Variants in P3H2 observed in about 807,000 individuals in gnomAD.
The protein encoded by P3H2 is prolyl 3-hydroxylase 2.
Under a neutral mutation model 87.0 loss-of-function variants are expected in P3H2, and 80 were observed. The ratio of observed to expected loss-of-function variants is 0.92; its 90% CI spans 0.77 to 1.11. P3H2 has a LOEUF of 1.11. P3H2 is among the 50% of genes least tolerant of loss of function. The probability of loss-of-function intolerance (pLI) is 0.00; values close to 1 mark genes in which losing one functional copy is unlikely to be tolerated. For synonymous variants in P3H2, 367 were observed against 359.3 expected, an observed-to-expected ratio of 1.02 and a Z score of -0.24; for missense variants, 1,001 against 923.9, an observed-to-expected ratio of 1.08 and a Z score of -1.08.
At chr3:189,970,710 C>A in intron 13 of P3H2, 106 bp downstream of exon 13, 1 of 730,708 alleles carries the variant, frequency 1.4e-6, no homozygotes, top group Non-Finnish European at 2.5e-6. Flanking sequence ...CTCTTGAAAT[C>A]TTGAGCTCAG....
intron 1 of P3H2, among the ~76,000 whole-genome samples, chr3:190,035,148 C>T (rs527292572): frequency 6.6e-6 from 1 of 152,068 alleles, no homozygotes; most frequent in South Asian, 2.1e-4. Flanking sequence ...CGCATCTGCC[C>T]CCAAATGGCT....
intron 1 of P3H2, among the ~76,000 whole-genome samples, chr3:190,013,564 C>A (rs1200864184): frequency 6.6e-6 from 1 of 152,108 alleles, no homozygotes. Flanking sequence ...TAGGACAGGG[C>A]AAGGGTGAGA....
upstream of P3H2, chr3:190,121,123 A>G (rs1712570605): frequency 5.0e-6 from 1 of 199,112 alleles, no homozygotes; most frequent in South Asian, 1.5e-4. Flanking sequence ...AGTGGATAGT[A>G]TTAGTCTTCT....
At chr3:189,998,740 A>G (rs908070186) in intron 1 of P3H2, among the ~76,000 whole-genome samples, 1 of 152,248 alleles carries the variant, frequency 6.6e-6, no homozygotes, top group African/African-American at 2.4e-5. Context: ...ACATGTGAAT[A>G]TGCTTCATGA....
In P3H2 at chr3:189,988,911, A is replaced by T; in HGVS notation, c.951T>A (p.Tyr317Ter). The change falls in exon 4 of 15, where the codon TAT becomes TAA. Residue 317 changes from tyrosine to a stop codon, truncating the protein, a stop_gained. Coordinates refer to ENST00000319332, the MANE Select transcript of P3H2 (RefSeq NM_018192.4). LOFTEE classifies it high-confidence loss of function. ...CACGGATGATCCACGCTTTACCTCGATAGTAGGCAAACTGTAGGTAATCAT... is the reference window on the plus strand; with the variant it reads ...CACGGATGATCCACGCTTTACCTCGTTAGTAGGCAAACTGTAGGTAATCAT... ...LHYDYLQFAYYRVGEYVKALE... is the reference protein window; with the variant it reads ...LHYDYLQFAY 3 of 1,614,178 alleles carry T rather than the reference A, an allele frequency of 1.9e-6. No homozygotes were observed. The highest frequency in any genetic ancestry group is 2.5e-6 in the Non-Finnish European group (3 of 1,180,022).
intron 10 of P3H2, 28 bp downstream of exon 10, chr3:189,973,881 T>G (rs775875055): frequency 5.0e-5 from 78 of 1,566,078 alleles, no homozygotes; most frequent in Non-Finnish European, 6.7e-5. Context: ...ACTAAGGAAC[T>G]CAAACCCAAA....
At chr3:189,969,712 T>C (rs1723112746) in intron 13 of P3H2, 2 of 1,459,928 alleles carry the variant, frequency 1.4e-6, no homozygotes, top group South Asian at 2.3e-5. Context: ...CAACATTTTT[T>C]ATCTTCCCCA....
chr3:190,059,841 C>T (rs58379470), intron 1 of P3H2, among the ~76,000 whole-genome samples: 19,830 of 152,152 alleles, frequency 0.13, 1,591 homozygotes, highest in African/African-American at 0.22. Flanking sequence ...TCTTGTTTTT[C>T]AAGCTTGGAA....
intron 1 of P3H2, among the ~76,000 whole-genome samples, chr3:190,110,119 G>A (rs1207357695): frequency 6.6e-6 from 1 of 152,054 alleles, no homozygotes; most frequent in African/African-American, 2.4e-5. Flanking sequence ...AAAGTGCTGG[G>A]ATTATAGACA....
intron 1 of P3H2, among the ~76,000 whole-genome samples, chr3:190,083,459 T>A (rs1055225830): frequency 6.6e-6 from 1 of 152,224 alleles, no homozygotes; most frequent in Admixed American, 6.5e-5. Flanking sequence ...GGAAAAAAAT[T>A]TGCATGTATG....
chr3:189,987,161 C>T (rs970288001), intron 5 of P3H2, among the ~76,000 whole-genome samples: 4 of 152,168 alleles, frequency 2.6e-5, no homozygotes, highest in Non-Finnish European at 4.4e-5. Context: ...AACTCTCCCC[C>T]GAACACATGC....
intron 13 of P3H2, among the ~76,000 whole-genome samples, chr3:189,965,576 G>A (rs1722950086): frequency 6.6e-6 from 1 of 152,196 alleles, no homozygotes; most frequent in Non-Finnish European, 1.5e-5. Context: ...GAGAGTTCAC[G>A]AGTTAGTCGT....
chr3:190,120,675 C>CGGCAGT lies in P3H2; in HGVS notation c.51_56dup (p.Leu18_Pro19dup). The stretch of plus-strand genomic sequence containing the variant: ...CCGGGGGGCCGCCCCACAGTGGCGG[C>CGGCAGT]GGCAGTAGCAGCGGCAGCAGCAGCA... On this transcript the variant is annotated inframe_insertion, in exon 1 of 15. Coordinates refer to ENST00000319332, the MANE Select transcript of P3H2 (RefSeq NM_018192.4). 1.3e-6 allele frequency: 2 copies of CGGCAGT among 1,522,478 alleles called. No homozygotes were observed. The highest frequency in any genetic ancestry group is 1.8e-6 in the Non-Finnish European group (2 of 1,141,908). 94.3% of individuals were successfully genotyped at this position (1,522,478 alleles called of 1,614,324 possible).
chr3:190,018,598 A>AC (rs1724842569), intron 1 of P3H2, among the ~76,000 whole-genome samples: 1 of 152,148 alleles, frequency 6.6e-6, no homozygotes, highest in Non-Finnish European at 1.5e-5. Context: ...AATCTTAGCT[A>AC]CTTGGGAGGC....
chr3:190,109,921 T>A (rs1287961381), intron 1 of P3H2, among the ~76,000 whole-genome samples: 2 of 147,558 alleles, frequency 1.4e-5, no homozygotes, highest in African/African-American at 5.0e-5. Context: ...TGATCTCAGC[T>A]CACTGCAGCC....
intron 3 of P3H2, among the ~76,000 whole-genome samples, chr3:189,992,240 A>G (rs1666434): frequency 0.77 from 116,111 of 151,404 alleles, 44,838 homozygotes; most frequent in East Asian, 0.92. Context: ...GATTACAGGC[A>G]CCCACCACCA....
At chr3:190,117,564 T>C (rs1712337659) in intron 1 of P3H2, among the ~76,000 whole-genome samples, 1 of 151,846 alleles carries the variant, frequency 6.6e-6, no homozygotes, top group Admixed American at 6.5e-5. Flanking sequence ...GGCAGGGAGT[T>C]CCTCATCCTA....
At chr3:189,986,216 A>T (rs966368212) in intron 6 of P3H2, among the ~76,000 whole-genome samples, 4 of 152,242 alleles carry the variant, frequency 2.6e-5, no homozygotes, top group Non-Finnish European at 5.9e-5. Context: ...AAATACTTTT[A>T]CCCAATAGAT....
rs111523735 is a variant in P3H2 at position 190,109,910 on chromosome 3, G to A, written c.480+10342C>T. Among the ~76,000 whole-genome samples the A allele has an allele frequency of 3.2e-3, 474 of 145,954 alleles. 4 individuals are homozygous for A. Among genetic ancestry groups the A allele is most frequent in the African/African-American group, 0.011 (439 of 39,100 alleles). ...ATTGCCTAGGCTGGAATGCAGTGGCGTGATCTCAGCTCACTGCAGCCTCTC... is the reference window on the plus strand; with the variant it reads ...ATTGCCTAGGCTGGAATGCAGTGGCATGATCTCAGCTCACTGCAGCCTCTC... On this transcript the variant is annotated intron_variant, in intron 1 of 14. Transcript: ENST00000319332.
Sources: gnomAD v4.1 joint callset for allele counts (sites outside exome capture counted in the v4.1 genomes callset) on GRCh38, gnomAD v4.1.1 for gene constraint, MANE v1.5 for transcripts, NCBI Gene and HGNC (gene_info 2026-07-23, HGNC 2026-07-21) for gene names.